Variants in DLGAP1 observed in about 807,000 individuals in gnomAD.
The protein encoded by DLGAP1 is DLG associated protein 1.
In DLGAP1, 11 loss-of-function variants were observed where a neutral mutation model predicts 90.8. The ratio of observed to expected loss-of-function variants is 0.12; its 90% CI spans 0.08 to 0.20. DLGAP1 has a LOEUF of 0.20. Among genes scored for constraint, DLGAP1 ranks in the 10% least tolerant of loss-of-function variants. The pLI is 1.00. For synonymous variants in DLGAP1, 558 were observed against 540.7 expected (o/e 1.03, Z -0.44); for missense variants, 1,050 against 1,333.8 (o/e 0.79, Z 3.31).
intron 7 of DLGAP1, among the ~76,000 whole-genome samples, chr18:3,650,450 C>T (rs1345517125): frequency 6.6e-6 from 1 of 152,030 alleles, no homozygotes; most frequent in Non-Finnish European, 1.5e-5. Flanking sequence ...ATAGAGAGAC[C>T]CTGTCTCTAC....
At chr18:3,651,501 A>G (rs922565924) in intron 7 of DLGAP1, among the ~76,000 whole-genome samples, 5 of 152,260 alleles carry the variant, frequency 3.3e-5, no homozygotes, top group African/African-American at 1.2e-4. Flanking sequence ...CTCTAAAAAT[A>G]GAAAGATTCA....
intron 3 of DLGAP1, chr18:3,891,940 A>G (rs908785885): frequency 2.0e-4 from 30 of 151,930 alleles, no homozygotes; most frequent in African/African-American, 6.0e-4. Flanking sequence ...GGGGGGTCTC[A>G]CTATGCTGCC....
intron 1 of DLGAP1, among the ~76,000 whole-genome samples, chr18:4,425,939 T>C (rs577174784): frequency 1.3e-5 from 2 of 152,342 alleles, no homozygotes; most frequent in South Asian, 2.1e-4. Context: ...TATAGCATAA[T>C]AGGTTGTACA....
chr18:3,533,699 C>T (rs1052143508), intron 10 of DLGAP1, among the ~76,000 whole-genome samples: 2 of 152,112 alleles, frequency 1.3e-5, no homozygotes, highest in Non-Finnish European at 2.9e-5. Flanking sequence ...CTCAGTCTCT[C>T]GAAGAGCTGG....
chr18:4,181,799 A>G (rs2077212733), intron 1 of DLGAP1, among the ~76,000 whole-genome samples: 1 of 152,124 alleles, frequency 6.6e-6, no homozygotes, highest in African/African-American at 2.4e-5. Context: ...CTTTCGGTAG[A>G]TAATGTTTTG....
Position 3,996,145 on chromosome 18 carries a change from A to G in DLGAP1, c.-73+8971T>C, listed in dbSNP as rs2074064948. 2.6e-5 allele frequency among the ~76,000 whole-genome samples: 4 copies of G among 152,132 alleles called. 1 individual carries two copies. The highest frequency in any genetic ancestry group is 2.6e-4 in the Admixed American group (4 of 15,280). Reference sequence around the variant, plus strand: ...TAAAGATGGAAGAGAGAAAAGGGAGAATTTTTAAATTTTACATATCTAAGT... The same window carrying G: ...TAAAGATGGAAGAGAGAAAAGGGAGGATTTTTAAATTTTACATATCTAAGT... On this transcript the variant is annotated intron_variant, in intron 3 of 12. Coordinates refer to ENST00000315677, the MANE Select transcript of DLGAP1 (RefSeq NM_004746.4).
chr18:3,695,856 G>C (rs1781055280), intron 7 of DLGAP1, among the ~76,000 whole-genome samples: 1 of 151,038 alleles, frequency 6.6e-6, no homozygotes, highest in African/African-American at 2.5e-5. Context: ...TTTTCTATTT[G>C]TTTGTGTCCT....
intron 1 of DLGAP1, among the ~76,000 whole-genome samples, chr18:4,445,492 C>A (rs1213532004): frequency 7.1e-6 from 1 of 140,344 alleles, no homozygotes; most frequent in South Asian, 2.3e-4. Context: ...ATTCCCCTTC[C>A]TGTGTCCATG....
intron 1 of DLGAP1, among the ~76,000 whole-genome samples, chr18:4,199,166 G>A (rs1189006135): frequency 1.3e-5 from 2 of 152,202 alleles, no homozygotes; most frequent in Non-Finnish European, 2.9e-5. Context: ...AGCTGCTCGG[G>A]GAGCCAGCAG....
chr18:4,434,141 T>C (rs1228366758), intron 1 of DLGAP1, among the ~76,000 whole-genome samples: 1 of 149,314 alleles, frequency 6.7e-6, no homozygotes, highest in African/African-American at 2.4e-5. Flanking sequence ...TTAAAACCTC[T>C]TCCTTACACC....
chr18:4,187,945 C>G (rs1323967702), intron 1 of DLGAP1, among the ~76,000 whole-genome samples: 1 of 152,128 alleles, frequency 6.6e-6, no homozygotes, highest in Non-Finnish European at 1.5e-5. Flanking sequence ...TTGCAATGAG[C>G]AGAGATCGTG....
At chr18:3,855,147 A>G (rs2069561863) in intron 4 of DLGAP1, among the ~76,000 whole-genome samples, 1 of 152,228 alleles carries the variant, frequency 6.6e-6, no homozygotes, top group Non-Finnish European at 1.5e-5. Flanking sequence ...AGCAACATGG[A>G]TGGAACTAGA....
Position 3,600,995 on chromosome 18 carries a change from GAT to G in DLGAP1, c.1592-18749_1592-18748del, listed in dbSNP as rs1396235228. ...ATAGATATATAGATATAGATATATAGATATATAGATATAGATAGATATATAGA... is the reference window on the plus strand; with the variant it reads ...ATAGATATATAGATATAGATATATAGATATAGATATAGATAGATATATAGA... On this transcript the variant is annotated intron_variant, in intron 7 of 12. Coordinates refer to ENST00000315677, the MANE Select transcript of DLGAP1 (RefSeq NM_004746.4). 6.8e-4 allele frequency among the ~76,000 whole-genome samples: 92 copies of G among 134,756 alleles called. 1 individual carries two copies. Among genetic ancestry groups the G allele is most frequent in the South Asian group, 1.3e-3 (6 of 4,568 alleles). 88.4% of individuals were successfully genotyped at this position (134,756 alleles called of 152,430 possible).
chr18:3,780,237 T>C (rs1402431887), intron 5 of DLGAP1, among the ~76,000 whole-genome samples: 1 of 152,238 alleles, frequency 6.6e-6, no homozygotes, highest in Non-Finnish European at 1.5e-5. Flanking sequence ...GATAAGTTAT[T>C]ATCATGTATC....
chr18:3,869,884 T>C (rs1188979455), intron 4 of DLGAP1, among the ~76,000 whole-genome samples: 1 of 152,226 alleles, frequency 6.6e-6, no homozygotes, highest in Non-Finnish European at 1.5e-5. Context: ...ATTTCTCAAA[T>C]TTGAAGTTAA....
chr18:4,062,768 C>T (rs2075316732), intron 2 of DLGAP1, among the ~76,000 whole-genome samples: 1 of 151,902 alleles, frequency 6.6e-6, no homozygotes, highest in Non-Finnish European at 1.5e-5. Flanking sequence ...CTATAGTATA[C>T]CTGTTATTAG....
At chr18:3,576,584 G>A (rs2055157619) in intron 8 of DLGAP1, among the ~76,000 whole-genome samples, 1 of 138,040 alleles carries the variant, frequency 7.2e-6, no homozygotes, top group Non-Finnish European at 1.5e-5. Context: ...TTTTTTTTGA[G>A]ATGGAGCTTC....
chr18:4,307,418 T>C (rs901478480), intron 1 of DLGAP1, among the ~76,000 whole-genome samples: 3 of 152,152 alleles, frequency 2.0e-5, no homozygotes, highest in African/African-American at 4.8e-5. Context: ...ATGCATTGAT[T>C]TATTCATTTG....
chr18:3,563,399 C>G (rs1049654471), intron 9 of DLGAP1, among the ~76,000 whole-genome samples: 1 of 151,880 alleles, frequency 6.6e-6, no homozygotes, highest in Non-Finnish European at 1.5e-5. Context: ...GTATTCCTCT[C>G]TCATGTAAAG....
Sources: gnomAD v4.1 joint callset for allele counts (sites outside exome capture counted in the v4.1 genomes callset) on GRCh38, gnomAD v4.1.1 for gene constraint, MANE v1.5 for transcripts, NCBI Gene and HGNC (gene_info 2026-07-23, HGNC 2026-07-21) for gene names.